Variants in COMMD6 observed in about 807,000 individuals in gnomAD.
COMMD6 encodes COMM domain-containing protein 6.
A neutral mutation model predicts 13.4 loss-of-function variants in COMMD6; 11 were observed. The observed-to-expected ratio is 0.82, with a 90% CI of 0.52 to 1.36. The LOEUF is 1.36. COMMD6 is among the 40% of genes most tolerant of loss of function. The pLI is 0.00. For synonymous variants in COMMD6, 43 were observed against 36.5 expected, an observed-to-expected ratio of 1.18 and a Z score of -0.64; for missense variants, 124 against 102.4, an observed-to-expected ratio of 1.21 and a Z score of -0.91.
intron 2 of COMMD6, among the ~76,000 whole-genome samples, chr13:75,531,809 T>C (rs2030488294): frequency 6.6e-6 from 1 of 152,222 alleles, no homozygotes; most frequent in Non-Finnish European, 1.5e-5. Context: ...CTTTAGCTAG[T>C]AAAACTGAAG....
upstream of COMMD6, among the ~76,000 whole-genome samples, chr13:75,538,206 A>T (rs2030752760): frequency 6.6e-6 from 1 of 152,140 alleles, no homozygotes; most frequent in African/African-American, 2.4e-5. Flanking sequence ...GGCACATGGG[A>T]GTTTGTCCTG....
intron 1 of COMMD6, among the ~76,000 whole-genome samples, chr13:75,545,554 G>A (rs1341175486): frequency 1.3e-5 from 2 of 151,738 alleles, no homozygotes; most frequent in Non-Finnish European, 2.9e-5. Context: ...CTCACTGCGA[G>A]CTCCGCCTCC....
intron 2 of COMMD6, among the ~76,000 whole-genome samples, chr13:75,535,007 T>C (rs2030612930): frequency 6.6e-6 from 1 of 152,178 alleles, no homozygotes; most frequent in South Asian, 2.1e-4. Context: ...TATAATGTAA[T>C]GGTAGTATTA....
At position 75,526,685 on chromosome 13, in the gene COMMD6, T is replaced by TAA. The variant is rs773946054; in HGVS notation, c.208-47_208-46insTT. 7 of 1,332,786 alleles carry TAA rather than the reference T, an allele frequency of 5.3e-6. No homozygotes were observed. The African/African-American group carries it at 7.3e-5, about 14-fold the overall frequency. 82.6% of individuals were successfully genotyped at this position (1,332,786 alleles called of 1,614,324 possible). A position where few individuals can be genotyped will look rare whatever the true frequency, so the allele number is the denominator to read the frequency against. On this transcript the variant is annotated intron_variant, in intron 3 of 3. Transcript: ENST00000682242. ...TAATATTAATTTTGCTTTTAGAAGA[T>TAA]ATTTAAGTAGTTATTTTAATTATAT...
upstream of COMMD6, among the ~76,000 whole-genome samples, chr13:75,539,969 C>CTTTT (rs34796430): frequency 2.6e-5 from 3 of 113,788 alleles, no homozygotes; most frequent in Non-Finnish European, 3.7e-5. Flanking sequence ...GCAAGGAAAT[C>CTTTT]TTTTTTTTTT....
At chr13:75,532,925 TTTG>T (rs2030534210) in intron 2 of COMMD6, among the ~76,000 whole-genome samples, 1 of 151,650 alleles carries the variant, frequency 6.6e-6, no homozygotes. Flanking sequence ...ACTGAAAGTT[TTTG>T]TTTTGTTTTT....
At chr13:75,533,033 C>T (rs2030540532) in intron 2 of COMMD6, among the ~76,000 whole-genome samples, 1 of 151,498 alleles carries the variant, frequency 6.6e-6, no homozygotes, top group Non-Finnish European at 1.5e-5. Context: ...CGGGTTCACG[C>T]CATTCTCCTG....
chr13:75,545,964 A>G (rs1334862164), intron 1 of COMMD6, among the ~76,000 whole-genome samples: 1 of 152,184 alleles, frequency 6.6e-6, no homozygotes, highest in East Asian at 1.9e-4. Context: ...ATAATTGTAC[A>G]TTTTAAAAAT....
chr13:75,545,662 C>T (rs896852672), intron 1 of COMMD6, among the ~76,000 whole-genome samples: 4 of 151,858 alleles, frequency 2.6e-5, no homozygotes, highest in South Asian at 4.2e-4. Context: ...TAGTAGAGAC[C>T]GGGTTTCACC....
At chr13:75,528,053 CAA>C (rs768140842) in intron 3 of COMMD6, among the ~76,000 whole-genome samples, 10 of 138,646 alleles carry the variant, frequency 7.2e-5, no homozygotes, top group African/African-American at 1.6e-4. Context: ...ACACTCTCTC[CAA>C]AAAAAAAAAA....
In COMMD6 at chr13:75,534,615, T is replaced by C. The variant is rs115701355; in HGVS notation, c.54+3049A>G. On this transcript the variant is annotated intron_variant, in intron 2 of 3. Coordinates refer to ENST00000682242, the MANE Select transcript of COMMD6 (RefSeq NM_203495.4). The stretch of plus-strand genomic sequence containing the variant: ...GAAACAATGTGCGGTAGCCCCAAAA[T>C]CATTGTATGATGAAGTATTAAAAAA... 5.6e-3 allele frequency among the ~76,000 whole-genome samples: 852 copies of C among 152,114 alleles called. 10 individuals carry two copies. The highest frequency in any genetic ancestry group is 0.019 in the African/African-American group (808 of 41,488).
chr13:75,533,851 A>G (rs1278616834), intron 2 of COMMD6, among the ~76,000 whole-genome samples: 1 of 152,210 alleles, frequency 6.6e-6, no homozygotes, highest in Non-Finnish European at 1.5e-5. Context: ...GGTTATCTCT[A>G]TAGGAATGTT....
At chr13:75,547,232 C>T (rs1230123955) in intron 1 of COMMD6, among the ~76,000 whole-genome samples, 1 of 151,910 alleles carries the variant, frequency 6.6e-6, no homozygotes, top group Admixed American at 6.5e-5. Flanking sequence ...ATTAAATAGA[C>T]CATCAAGAGG....
At chr13:75,548,540 AT>A (rs1484054217) in intron 1 of COMMD6, among the ~76,000 whole-genome samples, 2 of 152,210 alleles carry the variant, frequency 1.3e-5, no homozygotes, top group African/African-American at 2.4e-5. Flanking sequence ...ACTTCTGCTC[AT>A]CAAAGGCATC....
chr13:75,549,322 C>T (rs1268901266), intron 1 of COMMD6: 1 of 160,098 alleles, frequency 6.2e-6, no homozygotes, highest in South Asian at 1.9e-4. Context: ...AACAACAGCA[C>T]CGTGCTGCAC....
At chr13:75,531,032 G>A (rs1024613006) in intron 2 of COMMD6, among the ~76,000 whole-genome samples, 3 of 152,208 alleles carry the variant, frequency 2.0e-5, no homozygotes, top group Non-Finnish European at 4.4e-5. Flanking sequence ...AATACTGTCT[G>A]TCTTGTTTCC....
chr13:75,544,326 T>A (rs1272948811), intron 1 of COMMD6, among the ~76,000 whole-genome samples: 1 of 152,206 alleles, frequency 6.6e-6, no homozygotes, highest in African/African-American at 2.4e-5. Context: ...CGAATGAGAA[T>A]GCACTTAGAA....
upstream of COMMD6, among the ~76,000 whole-genome samples, chr13:75,542,440 C>T (rs528206666): frequency 1.3e-5 from 2 of 152,224 alleles, no homozygotes; most frequent in Admixed American, 1.3e-4. Flanking sequence ...CAGGCATGCG[C>T]CACCATGCCC....
chr13:75,544,731 C>G (rs1373457244), intron 1 of COMMD6, among the ~76,000 whole-genome samples: 1 of 151,636 alleles, frequency 6.6e-6, no homozygotes, highest in Non-Finnish European at 1.5e-5. Context: ...CTACTGCACT[C>G]CTAGGCAACA....
Sources: gnomAD v4.1 joint callset for allele counts (sites outside exome capture counted in the v4.1 genomes callset) on GRCh38, gnomAD v4.1.1 for gene constraint, MANE v1.5 for transcripts, NCBI Gene and HGNC (gene_info 2026-07-23, HGNC 2026-07-21) for gene names.